The following LRIG1 variants were observed in gnomAD, a reference collection of about 807,000 sequenced individuals.
LRIG1 encodes the protein leucine rich repeats and immunoglobulin like domains 1.
LRIG1 carries 48 observed loss-of-function variants against 99.2 expected under a neutral mutation model. The observed-to-expected ratio is 0.48, with a 90% confidence interval of 0.38 to 0.62. The LOEUF is 0.62. Ranked by LOEUF, LRIG1 falls within the 20% of genes least tolerant of loss-of-function variation. The pLI is 0.00. For synonymous variants in LRIG1, 772 were observed against 596.1 expected, an observed-to-expected ratio of 1.29 and a Z score of -4.30; for missense variants, 1,646 against 1,434.4, an observed-to-expected ratio of 1.15 and a Z score of -2.38.
chr3:66,428,787 T>C (rs968638943), intron 3 of LRIG1, among the ~76,000 whole-genome samples: 2 of 152,280 alleles, frequency 1.3e-5, no homozygotes, highest in African/African-American at 4.8e-5. Context: ...AAAGAACTGC[T>C]GTCTCGTAAG....
intron 1 of LRIG1, among the ~76,000 whole-genome samples, chr3:66,499,503 A>G (rs1003478556): frequency 6.6e-6 from 1 of 152,168 alleles, no homozygotes; most frequent in East Asian, 1.9e-4. Context: ...AAAATGCCAA[A>G]CAGGCGTAAA....
At chr3:66,408,584 C>T (rs1168240101) in intron 7 of LRIG1, among the ~76,000 whole-genome samples, 2 of 152,180 alleles carry the variant, frequency 1.3e-5, no homozygotes, top group Non-Finnish European at 2.9e-5. Flanking sequence ...CCTGGGGCCA[C>T]GATACACTGG....
intron 2 of LRIG1, among the ~76,000 whole-genome samples, chr3:66,458,714 G>C (rs1189464893): frequency 6.6e-6 from 1 of 151,474 alleles, no homozygotes; most frequent in East Asian, 2.0e-4. Flanking sequence ...AAAAAAGAAA[G>C]AAAGAAAATG....
intron 9 of LRIG1, chr3:66,401,520 A>T: frequency 1.1e-6 from 1 of 875,052 alleles, no homozygotes; most frequent in Non-Finnish European, 1.7e-6. Context: ...TGTTATTTTT[A>T]ACGGTGACAA....
In LRIG1 at chr3:66,410,153, C is replaced by T. The variant is rs756519144; in HGVS notation, c.911G>A (p.Ser304Asn). ...SIARIHRKGW[S>N]FCQKLHELVL... ...CAACTCATGCAGCTTCTGGCAGAAG[C>T]TCCAGCCCTTGCGGTGAATGCGAGC... The change falls in exon 7 of 19, where the codon AGC (serine) becomes AAC (asparagine). Residue 304 changes from serine to asparagine, a missense_variant. Coordinates refer to ENST00000273261, the MANE Select transcript of LRIG1 (RefSeq NM_015541.3). 4 of 1,613,508 alleles carry T rather than the reference C, an allele frequency of 2.5e-6. No homozygotes were observed. In the East Asian group the frequency reaches 8.9e-5, roughly 36 times the overall value.
At chr3:66,464,788 C>T (rs577871759) in intron 1 of LRIG1, among the ~76,000 whole-genome samples, 1 of 152,280 alleles carries the variant, frequency 6.6e-6, no homozygotes, top group East Asian at 1.9e-4. Flanking sequence ...GGTATAAAAC[C>T]ATTTAAGTCA....
chr3:66,460,552 CAG>C (rs1700333109), intron 2 of LRIG1, among the ~76,000 whole-genome samples: 1 of 152,194 alleles, frequency 6.6e-6, no homozygotes, highest in Admixed American at 6.5e-5. Context: ...TGGACACACA[CAG>C]AGACACCATG....
At chr3:66,456,464 T>A (rs1700223182) in intron 2 of LRIG1, among the ~76,000 whole-genome samples, 1 of 151,386 alleles carries the variant, frequency 6.6e-6, no homozygotes, top group Non-Finnish European at 1.5e-5. Flanking sequence ...TTCCAGCTAC[T>A]CAGGAGGCTG....
chr3:66,391,129 G>A (rs902901617), intron 12 of LRIG1, among the ~76,000 whole-genome samples: 7 of 152,092 alleles, frequency 4.6e-5, no homozygotes, highest in Non-Finnish European at 8.8e-5. Context: ...TTACACTCAC[G>A]AGTACATCCA....
chr3:66,451,494 C>G (rs1703903051), intron 3 of LRIG1, 65 bp downstream of exon 3: 1 of 1,408,260 alleles, frequency 7.1e-7, no homozygotes, highest in East Asian at 2.3e-5. Flanking sequence ...CACCAGGTAT[C>G]AGCAAGGCAA....
intron 2 of LRIG1, among the ~76,000 whole-genome samples, chr3:66,455,089 C>T (rs1190585547): frequency 6.6e-6 from 1 of 152,174 alleles, no homozygotes; most frequent in Admixed American, 6.5e-5. Context: ...GGATTATAGG[C>T]ACAGGCCACC....
At chr3:66,491,534 C>T (rs1021474579) in intron 1 of LRIG1, among the ~76,000 whole-genome samples, 1 of 152,132 alleles carries the variant, frequency 6.6e-6, no homozygotes, top group African/African-American at 2.4e-5. Context: ...AATAAACATT[C>T]TGTAAATATA....
chr3:66,468,324 A>G (rs978153722), intron 1 of LRIG1, among the ~76,000 whole-genome samples: 1 of 152,198 alleles, frequency 6.6e-6, no homozygotes, highest in Non-Finnish European at 1.5e-5. Context: ...AACACAGACA[A>G]AATCTCTCAC....
intron 1 of LRIG1, among the ~76,000 whole-genome samples, chr3:66,483,895 G>A (rs374598632): frequency 1.8e-4 from 27 of 152,202 alleles, no homozygotes; most frequent in African/African-American, 6.0e-4. Context: ...GGGACGAGGC[G>A]CCCGAGGACC....
At chr3:66,467,641 G>A (rs1222371807) in intron 1 of LRIG1, among the ~76,000 whole-genome samples, 6 of 152,068 alleles carry the variant, frequency 3.9e-5, no homozygotes, top group South Asian at 4.1e-4. Context: ...GATTACAGGC[G>A]TGAGCCACCA....
At chr3:66,492,076 G>A (rs1389083758) in intron 1 of LRIG1, among the ~76,000 whole-genome samples, 1 of 152,166 alleles carries the variant, frequency 6.6e-6, no homozygotes, top group Non-Finnish European at 1.5e-5. Context: ...TCTCTAAGCA[G>A]AGCCCAGCTT....
intron 3 of LRIG1, among the ~76,000 whole-genome samples, chr3:66,441,004 T>C (rs1703519046): frequency 6.6e-6 from 1 of 152,174 alleles, no homozygotes; most frequent in Admixed American, 6.5e-5. Context: ...GTACCTACCT[T>C]TGTCCTACCG....
At chr3:66,408,913 A>T (rs1156529965) in intron 7 of LRIG1, among the ~76,000 whole-genome samples, 3 of 34,914 alleles carry the variant, frequency 8.6e-5, no homozygotes, top group African/African-American at 2.4e-4. Context: ...ACTCCAAGTC[A>T]GTGTGTGTGT....
In LRIG1 at chr3:66,380,447, G is replaced by A. The variant is rs1293682467; in HGVS notation, c.3098C>T (p.Ser1033Phe). ...WTLARLYHPDSTELQPASSLT... is the reference protein window; with the variant it reads ...WTLARLYHPDFTELQPASSLT... ...TGAAGATGCAGGCTGTAGCTCTGTGGAGTCCGGGTGATACAACCTTGCTAA... is the reference window on the plus strand; with the variant it reads ...TGAAGATGCAGGCTGTAGCTCTGTGAAGTCCGGGTGATACAACCTTGCTAA... The change falls in exon 19 of 19, where the codon TCC (serine) becomes TTC (phenylalanine). Residue 1033 changes from serine to phenylalanine, a missense_variant. Transcript: ENST00000273261. 1.2e-6 allele frequency: 2 copies of A among 1,614,186 alleles called. No homozygotes were observed. Among genetic ancestry groups the A allele is most frequent in the Non-Finnish European group, 1.7e-6 (2 of 1,180,022 alleles).
Sources: allele counts gnomAD v4.1 joint callset (sites outside exome capture counted in the v4.1 genomes callset), GRCh38; gene constraint gnomAD v4.1.1; transcripts MANE v1.5; gene names NCBI Gene and HGNC (gene_info 2026-07-23, HGNC 2026-07-21).